The following LRRK1 variants were observed in gnomAD, a reference collection of about 807,000 sequenced individuals.
The protein encoded by LRRK1 is leucine-rich repeat serine/threonine-protein kinase 1.
Under a neutral mutation model 209.1 loss-of-function variants are expected in LRRK1, and 113 were observed. The ratio of observed to expected loss-of-function variants is 0.54; its 90% confidence interval spans 0.46 to 0.63. The LOEUF is 0.63. Ranked by LOEUF, LRRK1 falls within the 30% of genes least tolerant of loss-of-function variation. LRRK1 has a pLI of 0.00. For missense variants in LRRK1, 2,284 were observed against 2,632.2 expected, an observed-to-expected ratio of 0.87 and a Z score of 2.89; for synonymous variants, 1,144 against 1,099.7, an observed-to-expected ratio of 1.04 and a Z score of -0.80.
intron 17 of LRRK1, among the ~76,000 whole-genome samples, chr15:101,026,786 C>A (rs1025249152): frequency 6.6e-6 from 1 of 152,176 alleles, no homozygotes; most frequent in Admixed American, 6.5e-5. Flanking sequence ...CTCTCAGATT[C>A]CCTCGCCCGG....
At chr15:101,005,297 A>C (rs974425458) in intron 6 of LRRK1, among the ~76,000 whole-genome samples, 1 of 152,192 alleles carries the variant, frequency 6.6e-6, no homozygotes, top group African/African-American at 2.4e-5. Flanking sequence ...CTCCTACCCA[A>C]AGGCCACTGT....
intron 4 of LRRK1, among the ~76,000 whole-genome samples, chr15:100,984,313 C>T (rs1006321123): frequency 1.3e-5 from 2 of 152,194 alleles, no homozygotes; most frequent in African/African-American, 4.8e-5. Flanking sequence ...AATATTGATA[C>T]CTTCTTACTA....
intron 3 of LRRK1, among the ~76,000 whole-genome samples, chr15:100,978,644 G>A (rs2031433107): frequency 1.3e-5 from 2 of 152,032 alleles, no homozygotes; most frequent in Admixed American, 1.3e-4. Context: ...CACATACATT[G>A]GACAACTTAG....
intron 6 of LRRK1, among the ~76,000 whole-genome samples, chr15:101,001,967 AC>A: frequency 6.6e-6 from 1 of 151,968 alleles, no homozygotes; most frequent in African/African-American, 2.4e-5. Context: ...ACAGAATCGT[AC>A]AGAGGAACAC....
chr15:101,034,076 G>A (rs181523594), intron 20 of LRRK1, among the ~76,000 whole-genome samples: 2 of 152,220 alleles, frequency 1.3e-5, no homozygotes, highest in African/African-American at 4.8e-5. Context: ...TTTGAAAAAT[G>A]TCTATTCATG....
intron 2 of LRRK1, among the ~76,000 whole-genome samples, chr15:100,966,635 T>C (rs1365598414): frequency 6.6e-6 from 1 of 152,252 alleles, no homozygotes; most frequent in Non-Finnish European, 1.5e-5. Context: ...ACGCATTAAC[T>C]GGTGCCTTTT....
chr15:100,929,249 C>T (rs2042166742), intron 2 of LRRK1, among the ~76,000 whole-genome samples: 2 of 150,450 alleles, frequency 1.3e-5, no homozygotes, highest in African/African-American at 4.8e-5. Context: ...GGAACTTGAG[C>T]AGACATCACC....
chr15:101,037,507 A>G (rs1042244309), intron 20 of LRRK1, among the ~76,000 whole-genome samples: 3 of 152,152 alleles, frequency 2.0e-5, no homozygotes, highest in African/African-American at 7.2e-5. Flanking sequence ...GGTACCAGCC[A>G]TGGTAGGCAG....
intron 20 of LRRK1, among the ~76,000 whole-genome samples, chr15:101,040,377 T>C (rs955210898): frequency 5.3e-5 from 8 of 152,252 alleles, no homozygotes; most frequent in African/African-American, 1.7e-4. Context: ...ATATGCTCTC[T>C]CTCCTGATAT....
rs2042378554 is a variant in LRRK1 at position 100,940,406 on chromosome 15, G to A, written c.97+15677G>A. On this transcript the variant is annotated intron_variant, in intron 2 of 33. Transcript: ENST00000388948. ...CTGAAACTCTCATTAGACACATTTT[G>A]AAAAACTTCAAAAAATATCTTCAAT... is the stretch of plus-strand genomic sequence containing the variant. 4.6e-5 allele frequency among the ~76,000 whole-genome samples: 7 copies of A among 152,174 alleles called. No individual in the cohort carries two copies. The South Asian group carries it at 1.5e-3, about 32-fold the overall frequency.
rs1321549084 is a variant in LRRK1, at chr15:100,989,350, G to C, written c.714G>C (p.Lys238Asn). ...ACCCCAGCAAACATCTGCTGAGAAA[G>C]TACTTCATTGAAGCCAGTCCCTTGC... ...SPDPSKHLLR[K>N]YFIEASPLPS... The change falls in exon 6 of 34, where the codon AAG becomes AAC. Residue 238 changes from lysine (K) to asparagine (N), a missense_variant. This residue lies in a region of LRRK1 where 494 missense variants were observed against 522.1 expected (regional missense o/e 0.95). Transcript: ENST00000388948. 6.2e-7 allele frequency: 1 copy of C among 1,614,244 alleles called. No individual in the cohort carries two copies. Among genetic ancestry groups the C allele is most frequent in the Non-Finnish European group, 8.5e-7 (1 of 1,180,050 alleles).
intron 6 of LRRK1, among the ~76,000 whole-genome samples, chr15:101,005,664 T>A (rs1049606031): frequency 1.1e-4 from 16 of 152,192 alleles, no homozygotes; most frequent in Non-Finnish European, 2.1e-4. Context: ...GACTGGAAGA[T>A]CTTGTTTTGC....
At chr15:101,045,183 AAGTTCT>A (rs1302098774) in intron 20 of LRRK1, among the ~76,000 whole-genome samples, 1 of 152,222 alleles carries the variant, frequency 6.6e-6, no homozygotes, top group Non-Finnish European at 1.5e-5. Context: ...CTTTTCCAGA[AAGTTCT>A]AAGGACATTT....
chr15:100,994,724 T>G (rs1351457207), intron 6 of LRRK1, among the ~76,000 whole-genome samples: 2 of 152,124 alleles, frequency 1.3e-5, no homozygotes, highest in African/African-American at 4.8e-5. Flanking sequence ...CCAAAGCAGG[T>G]GGTATTTTTA....
Position 100,964,260 on chromosome 15 carries a change from ACACC to A in LRRK1, c.98-9542_98-9539del, listed in dbSNP as rs376128579. On this transcript the variant is annotated intron_variant, in intron 2 of 33. Coordinates refer to ENST00000388948, the MANE Select transcript of LRRK1 (RefSeq NM_024652.6). Reference sequence around the variant, plus strand: ...GGCTGGGTGACCCTCCCTCCTCTGCACACCCCCAACCTCCACATCTTTCCCAAAG... The same window carrying A: ...GGCTGGGTGACCCTCCCTCCTCTGCACCCAACCTCCACATCTTTCCCAAAG... 4.6e-5 allele frequency among the ~76,000 whole-genome samples: 7 copies of A among 152,290 alleles called. No individual in the cohort carries two copies. In the South Asian group the frequency reaches 1.5e-3, roughly 32 times the overall value.
rs985135423 is a variant in LRRK1 at position 101,022,202 on chromosome 15, C to G, written c.1853-181C>G. On this transcript the variant is annotated intron_variant, in intron 14 of 33. Transcript: ENST00000388948. This position sits in a 1 kb window ranked among gnomAD's most constrained non-coding sequence, Gnocchi z 4.0. ...AAGGATTTTGTCCATAGGTTCTTGC[C>G]TCTTAGAGTTCGCTTTTAGGGTGGT... The G allele has an allele frequency of 3.0e-5, 20 of 665,718 alleles. No homozygotes were observed. The Admixed American group carries it at 5.7e-4, about 19-fold the overall frequency. 41.2% of individuals were successfully genotyped at this position (665,718 alleles called of 1,614,324 possible). A position where few individuals can be genotyped will look rare whatever the true frequency, so the allele number is the denominator to read the frequency against.
At chr15:101,011,114 C>G (rs1473099445) in intron 9 of LRRK1, among the ~76,000 whole-genome samples, 2 of 152,044 alleles carry the variant, frequency 1.3e-5, no homozygotes, top group South Asian at 2.1e-4. Context: ...CACCCTGGCA[C>G]AGGACGACTC....
chr15:101,011,182 A>G (rs1350564404), intron 9 of LRRK1, among the ~76,000 whole-genome samples: 1 of 152,066 alleles, frequency 6.6e-6, no homozygotes, highest in African/African-American at 2.4e-5. Context: ...AAGAGTAAGA[A>G]ATCAGGCCGG....
At position 100,960,483 on chromosome 15, in the gene LRRK1, G is replaced by A. The variant is rs960319441; in HGVS notation, c.98-13321G>A. 1.1e-4 allele frequency among the ~76,000 whole-genome samples: 17 copies of A among 152,198 alleles called. 1 individual carries two copies. Among genetic ancestry groups the A allele is most frequent in the Admixed American group, 7.2e-4 (11 of 15,292 alleles). On this transcript the variant is annotated intron_variant, in intron 2 of 33. Coordinates refer to ENST00000388948, the MANE Select transcript of LRRK1 (RefSeq NM_024652.6). Reference sequence around the variant, plus strand: ...GTACCATTTTCTATAGTATTACTGAGTATTAAATAAATGAACTGTCCTATT... The same window carrying A: ...GTACCATTTTCTATAGTATTACTGAATATTAAATAAATGAACTGTCCTATT...
Sources: allele counts gnomAD v4.1 joint callset (sites outside exome capture counted in the v4.1 genomes callset), GRCh38; gene constraint gnomAD v4.1.1; regional missense constraint gnomAD v4.1.1; non-coding constraint Gnocchi (gnomAD v3.1); transcripts MANE v1.5; gene names NCBI Gene and HGNC (gene_info 2026-07-23, HGNC 2026-07-21).